Variants in LRRTM4 observed in about 807,000 individuals in gnomAD.
LRRTM4 encodes the protein leucine rich repeat transmembrane neuronal 4, also known as leucine-rich repeat transmembrane neuronal protein 4.
A neutral mutation model predicts 47.6 loss-of-function variants in LRRTM4; 25 were observed. The ratio of observed to expected loss-of-function variants is 0.53; its 90% CI spans 0.38 to 0.73. The LOEUF (loss-of-function observed/expected upper bound fraction) is 0.73. LRRTM4 is among the 30% of genes least tolerant of loss of function. The probability of loss-of-function intolerance (pLI) is 0.00; values close to 1 mark genes in which losing one functional copy is unlikely to be tolerated. For synonymous variants in LRRTM4, 311 were observed against 269.5 expected, an observed-to-expected ratio of 1.15 and a Z score of -1.51; for missense variants, 638 against 713.4, an observed-to-expected ratio of 0.89 and a Z score of 1.20.
At chr2:77,235,025 C>T (rs530640339) in intron 3 of LRRTM4, among the ~76,000 whole-genome samples, 3 of 152,214 alleles carry the variant, frequency 2.0e-5, no homozygotes, top group South Asian at 2.1e-4. Context: ...AAATAATGGC[C>T]TTCAGCTGCA....
At chr2:77,312,215 T>C (rs750106739) in intron 3 of LRRTM4, among the ~76,000 whole-genome samples, 33 of 152,322 alleles carry the variant, frequency 2.2e-4, no homozygotes, top group Non-Finnish European at 4.1e-4. Context: ...TACAAAAGTG[T>C]GTAATTCCAC....
chr2:77,364,343 C>T (rs181533544), intron 3 of LRRTM4, among the ~76,000 whole-genome samples: 68 of 152,156 alleles, frequency 4.5e-4, no homozygotes, highest in Admixed American at 7.9e-4. Context: ...TTGGAGAAAG[C>T]TACAACGTTG....
At chr2:77,229,006 A>C (rs1674892267) in intron 3 of LRRTM4, among the ~76,000 whole-genome samples, 1 of 152,054 alleles carries the variant, frequency 6.6e-6, no homozygotes. Flanking sequence ...GACCACCTCC[A>C]AGTTTACAAA....
intron 3 of LRRTM4, among the ~76,000 whole-genome samples, chr2:77,368,644 G>C (rs1267365343): frequency 6.6e-6 from 1 of 151,630 alleles, no homozygotes; most frequent in Non-Finnish European, 1.5e-5. Context: ...ATATTTGTAA[G>C]GTACAAGTTT....
intron 3 of LRRTM4, among the ~76,000 whole-genome samples, chr2:77,447,612 AT>A (rs1260597782): frequency 1.3e-5 from 2 of 152,112 alleles, no homozygotes; most frequent in African/African-American, 4.8e-5. Flanking sequence ...ATGTGCCATA[AT>A]TCTTGTAGTA....
chr2:77,196,620 T>G (rs1673833716), intron 3 of LRRTM4, among the ~76,000 whole-genome samples: 1 of 152,232 alleles, frequency 6.6e-6, no homozygotes, highest in East Asian at 1.9e-4. Context: ...AGCAGGCACC[T>G]GTATTCCCAG....
chr2:77,336,408 T>C (rs1279070058), intron 3 of LRRTM4, among the ~76,000 whole-genome samples: 1 of 152,064 alleles, frequency 6.6e-6, no homozygotes, highest in Non-Finnish European at 1.5e-5. Flanking sequence ...TTACCAAAAT[T>C]ATAGTTTTAA....
intron 3 of LRRTM4, among the ~76,000 whole-genome samples, chr2:76,809,032 A>T (rs548894172): frequency 6.6e-6 from 1 of 152,058 alleles, no homozygotes; most frequent in Non-Finnish European, 1.5e-5. Context: ...TTTTACCCCA[A>T]TTATCTTTCT....
chr2:77,147,404 A>G (rs1672288607), intron 3 of LRRTM4, among the ~76,000 whole-genome samples: 2 of 152,192 alleles, frequency 1.3e-5, no homozygotes, highest in Non-Finnish European at 2.9e-5. Context: ...AAGAGAGCAG[A>G]GCAGAATTAA....
intron 3 of LRRTM4, among the ~76,000 whole-genome samples, chr2:77,337,187 A>C (rs779804145): frequency 3.9e-5 from 6 of 152,146 alleles, no homozygotes; most frequent in Non-Finnish European, 7.4e-5. Flanking sequence ...ATCTTCGAAG[A>C]CAATTACAAA....
chr2:77,368,211 AC>A (rs1353728091), intron 3 of LRRTM4, among the ~76,000 whole-genome samples: 10 of 150,804 alleles, frequency 6.6e-5, no homozygotes, highest in Non-Finnish European at 1.3e-4. Flanking sequence ...AGAAGAACCC[AC>A]CTTTTATCAA....
intron 3 of LRRTM4, among the ~76,000 whole-genome samples, chr2:77,178,334 T>A (rs1558620517): frequency 1.3e-5 from 2 of 152,154 alleles, no homozygotes; most frequent in South Asian, 2.1e-4. Flanking sequence ...ATGCCTGTAA[T>A]CCCAGCACTT....
intron 3 of LRRTM4, among the ~76,000 whole-genome samples, chr2:77,114,826 A>G (rs2103943081): frequency 6.6e-6 from 1 of 152,298 alleles, no homozygotes; most frequent in East Asian, 1.9e-4. Flanking sequence ...GTAAGTCACA[A>G]AGATCACGTG....
intron 3 of LRRTM4, among the ~76,000 whole-genome samples, chr2:77,005,877 T>G (rs1371545263): frequency 6.6e-6 from 1 of 152,178 alleles, no homozygotes; most frequent in Non-Finnish European, 1.5e-5. Context: ...TTCACAAATA[T>G]TAGCTTATTT....
At chr2:77,028,696 A>T (rs949721992) in intron 3 of LRRTM4, among the ~76,000 whole-genome samples, 18 of 152,080 alleles carry the variant, frequency 1.2e-4, no homozygotes, top group African/African-American at 4.3e-4. Context: ...TAGGATGATG[A>T]TATAAGAAAA....
intron 3 of LRRTM4, among the ~76,000 whole-genome samples, chr2:76,813,406 G>T (rs1670803130): frequency 6.6e-6 from 1 of 152,060 alleles, no homozygotes; most frequent in Non-Finnish European, 1.5e-5. Context: ...TTTGTCTAAT[G>T]TCAGAGAAAT....
At chr2:77,156,101 C>T (rs529490931) in intron 3 of LRRTM4, among the ~76,000 whole-genome samples, 3 of 151,926 alleles carry the variant, frequency 2.0e-5, no homozygotes, top group African/African-American at 7.2e-5. Context: ...AAATAAAGTA[C>T]TCTGAAAGGT....
chr2:77,388,961 A>G (rs1043700891), intron 3 of LRRTM4, among the ~76,000 whole-genome samples: 1 of 152,096 alleles, frequency 6.6e-6, no homozygotes, highest in African/African-American at 2.4e-5. Flanking sequence ...CCATTTCACT[A>G]AAGTTATGAC....
At chr2:77,029,287 C>T (rs1217934577) in intron 3 of LRRTM4, among the ~76,000 whole-genome samples, 4 of 151,806 alleles carry the variant, frequency 2.6e-5, no homozygotes, top group Non-Finnish European at 5.9e-5. Flanking sequence ...TGAAGTCCCA[C>T]AATAGGCCGT....
Sources: gnomAD v4.1 joint callset for allele counts (sites outside exome capture counted in the v4.1 genomes callset) on GRCh38, gnomAD v4.1.1 for gene constraint, MANE v1.5 for transcripts, NCBI Gene and HGNC (gene_info 2026-07-23, HGNC 2026-07-21) for gene names.